EFCAB13: variants seen among roughly 807,000 people sequenced by gnomAD.
EFCAB13 encodes EF-hand calcium binding domain 13, also known as EF-hand calcium-binding domain-containing protein 13.
In EFCAB13, 91 loss-of-function variants were observed where a neutral mutation model predicts 110.2. The observed-to-expected ratio is 0.83, with a 90% CI of 0.70 to 0.98. EFCAB13 has a LOEUF of 0.98. EFCAB13 is among the 50% of genes least tolerant of loss of function. The pLI is 0.00. For synonymous variants in EFCAB13, 323 were observed against 369.9 expected (o/e 0.87, Z 1.45); for missense variants, 968 against 1,119.4 (o/e 0.86, Z 1.93).
intron 2 of EFCAB13, among the ~76,000 whole-genome samples, chr17:47,324,741 CAG>C (rs1337879781): frequency 6.6e-6 from 1 of 151,904 alleles, no homozygotes; most frequent in African/African-American, 2.4e-5. Flanking sequence ...GGATGTCATA[CAG>C]AGTCATGCTT....
intron 23 of EFCAB13, among the ~76,000 whole-genome samples, chr17:47,421,499 G>T (rs1202452718): frequency 2.6e-5 from 4 of 151,818 alleles, no homozygotes; most frequent in East Asian, 1.9e-4. Flanking sequence ...GCGGAAGGCC[G>T]CAGTGTCCTC....
At chr17:47,357,478 C>T (rs1181144821) in intron 9 of EFCAB13, among the ~76,000 whole-genome samples, 6 of 152,196 alleles carry the variant, frequency 3.9e-5, no homozygotes, top group South Asian at 2.1e-4. Context: ...TGCAATGGCG[C>T]GATCTCGCTC....
chr17:47,359,329 G>C (rs2065497495), intron 9 of EFCAB13, among the ~76,000 whole-genome samples: 1 of 151,954 alleles, frequency 6.6e-6, no homozygotes, highest in Non-Finnish European at 1.5e-5. Context: ...GAGATACCCT[G>C]TCTTTAAAAA....
chr17:47,362,948 G>A (rs553298868), intron 10 of EFCAB13, among the ~76,000 whole-genome samples: 1 of 152,270 alleles, frequency 6.6e-6, no homozygotes, highest in South Asian at 2.1e-4. Context: ...CATCTTGGTG[G>A]TAGTGGTACC....
intron 16 of EFCAB13, among the ~76,000 whole-genome samples, chr17:47,395,417 T>C (rs1853614442): frequency 6.6e-6 from 1 of 152,214 alleles, no homozygotes; most frequent in Non-Finnish European, 1.5e-5. Context: ...GATTTTGCAT[T>C]GAAATAGTCT....
intron 12 of EFCAB13, 99 bp downstream of exon 12, chr17:47,375,065 C>A: frequency 8.0e-7 from 1 of 1,252,468 alleles, no homozygotes; most frequent in East Asian, 2.8e-5. Context: ...TTGTTAACAC[C>A]CTGGGTAACC....
At chr17:47,393,761 AAAAT>A (rs1228698197) in intron 15 of EFCAB13, among the ~76,000 whole-genome samples, 3 of 150,476 alleles carry the variant, frequency 2.0e-5, no homozygotes, top group East Asian at 1.9e-4. Flanking sequence ...AATAAAAATA[AAAAT>A]AAATAAAAGT....
At chr17:47,421,027 G>A (rs554050882) in intron 23 of EFCAB13, among the ~76,000 whole-genome samples, 1 of 150,796 alleles carries the variant, frequency 6.6e-6, no homozygotes, top group African/African-American at 2.4e-5. Flanking sequence ...AGGTGGGGGG[G>A]TCAGCCCCCC....
chr17:47,347,798 G>C lies in EFCAB13; in HGVS notation c.518-10G>C. 7.0e-7 allele frequency: 1 copy of C among 1,421,848 alleles called. No homozygotes were observed. Among genetic ancestry groups the C allele is most frequent in the Non-Finnish European group, 9.3e-7 (1 of 1,071,246 alleles). 88.1% of individuals were successfully genotyped at this position (1,421,848 alleles called of 1,614,324 possible). The stretch of plus-strand genomic sequence containing the variant: ...ATTAACTAACTAAATGTTTTGTTAT[G>C]TGTGTGCAGCACTTCATAAAGCCTG... On this transcript the variant is annotated splice_polypyrimidine_tract_variant and intron_variant, in intron 8 of 24. Coordinates refer to ENST00000331493, the MANE Select transcript of EFCAB13 (RefSeq NM_152347.5).
chr17:47,415,375 C>CT (rs1455825059), intron 23 of EFCAB13, among the ~76,000 whole-genome samples: 8 of 151,912 alleles, frequency 5.3e-5, no homozygotes, highest in African/African-American at 1.7e-4. Flanking sequence ...TACCCTAAAA[C>CT]TTAAAGTATA....
intron 22 of EFCAB13, among the ~76,000 whole-genome samples, chr17:47,413,381 T>G (rs1176777586): frequency 6.6e-6 from 1 of 152,232 alleles, no homozygotes; most frequent in African/African-American, 2.4e-5. Flanking sequence ...GTTTTCTGTC[T>G]TTGACTTCAT....
At position 47,407,335 on chromosome 17, in the gene EFCAB13, C is replaced by T. The variant is rs553823451; in HGVS notation, c.2234-2312C>T. Among the ~76,000 whole-genome samples the T allele has an allele frequency of 6.6e-5, 10 of 152,286 alleles. No individual in the cohort carries two copies. The South Asian group carries it at 1.5e-3, about 22-fold the overall frequency. ...TAGAAAGCTATTGGAGTGGAGAAAA[C>T]TATTGAAGTAGAGTTATAGAAAATT... is the stretch of plus-strand genomic sequence containing the variant. On this transcript the variant is annotated intron_variant, in intron 20 of 24. Coordinates refer to ENST00000331493, the MANE Select transcript of EFCAB13 (RefSeq NM_152347.5).
intron 14 of EFCAB13, among the ~76,000 whole-genome samples, chr17:47,379,618 G>A (rs2065635442): frequency 6.7e-6 from 1 of 149,604 alleles, no homozygotes; most frequent in Non-Finnish European, 1.5e-5. Context: ...GTTCACCTTT[G>A]ATTTAGAACT....
chr17:47,328,476 A>G lies in EFCAB13; in HGVS notation c.30+93A>G, dbSNP rs977890434. On this transcript the variant is annotated intron_variant, in intron 4 of 24. Transcript: ENST00000331493. ...ATATTCATAATCAGTAAGCAAATTC[A>G]TAGAGTAATAGTTATAAGGAACCTG... The G allele has an allele frequency of 2.2e-4, 223 of 1,001,994 alleles. 2 individuals carry two copies. The highest frequency in any genetic ancestry group is 5.3e-5 in the Non-Finnish European group (36 of 676,846). 62.1% of individuals were successfully genotyped at this position (1,001,994 alleles called of 1,614,324 possible).
At chr17:47,429,552 G>C (rs1050555776) in intron 23 of EFCAB13, among the ~76,000 whole-genome samples, 5 of 152,116 alleles carry the variant, frequency 3.3e-5, no homozygotes, top group Non-Finnish European at 1.5e-5. Context: ...AAACAGGGAT[G>C]AAAATGCCTA....
Position 47,328,370 on chromosome 17 carries a change from A to C in EFCAB13, c.17A>C (p.His6Pro), listed in dbSNP as rs1170165187. 1 of 1,596,876 alleles carries C rather than the reference A, an allele frequency of 6.3e-7. No homozygotes were observed. Among genetic ancestry groups the C allele is most frequent in the East Asian group, 2.2e-5 (1 of 44,642 alleles). Residue 6 changes from histidine to proline, a missense_variant, in exon 4 of 25, where the codon CAT becomes CCT. Coordinates refer to ENST00000331493, the MANE Select transcript of EFCAB13 (RefSeq NM_152347.5). The stretch of plus-strand genomic sequence containing the variant: ...AACAGAAAGATGGAAACTAAAGTAC[A>C]TTTATTCTGCCAGGTATTTATTTAA... METKV[H>P]LFCQAEENID... is the part of the protein sequence containing the mutation.
At chr17:47,403,795 A>G (rs1598752978) in intron 18 of EFCAB13, 83 bp from the exon 19 acceptor site, 5 of 1,318,462 alleles carry the variant, frequency 3.8e-6, no homozygotes, top group Non-Finnish European at 5.2e-6. Flanking sequence ...TCAGGATACA[A>G]TAATAAACTA....
At chr17:47,427,315 T>C (rs1384748401) in intron 23 of EFCAB13, among the ~76,000 whole-genome samples, 1 of 152,118 alleles carries the variant, frequency 6.6e-6, no homozygotes, top group Admixed American at 6.5e-5. Flanking sequence ...TAGGTTACCA[T>C]AGTAATTACT....
chr17:47,386,875 C>T (rs1272965557), intron 14 of EFCAB13, among the ~76,000 whole-genome samples: 1 of 151,040 alleles, frequency 6.6e-6, no homozygotes, highest in South Asian at 2.1e-4. Flanking sequence ...GGGGAGGGAG[C>T]CCTCCCACCC....
Sources: gnomAD v4.1 joint callset for allele counts (sites outside exome capture counted in the v4.1 genomes callset) on GRCh38, gnomAD v4.1.1 for gene constraint, MANE v1.5 for transcripts, NCBI Gene and HGNC (gene_info 2026-07-23, HGNC 2026-07-21) for gene names.